Variants in SLC8B1 observed in about 807,000 individuals in gnomAD.
The protein encoded by SLC8B1 is solute carrier family 8 member B1, also known as mitochondrial sodium/calcium exchanger protein.
In SLC8B1, 52 loss-of-function variants were observed where a neutral mutation model predicts 63.4. That is an observed-to-expected ratio of 0.82 (90% CI 0.66 to 1.03). The LOEUF is 1.03. Among genes scored for constraint, SLC8B1 ranks in the 50% least tolerant of loss-of-function variants. The probability of loss-of-function intolerance (pLI) is 0.00; values close to 1 mark genes in which losing one functional copy is unlikely to be tolerated. For missense variants in SLC8B1, 657 were observed against 741.7 expected, an observed-to-expected ratio of 0.89 and a Z score of 1.33; for synonymous variants, 336 against 323.9, an observed-to-expected ratio of 1.04 and a Z score of -0.40.
chr12:113,310,620 T>G (rs1329925936), intron 11 of SLC8B1, among the ~76,000 whole-genome samples: 2 of 152,202 alleles, frequency 1.3e-5, no homozygotes, highest in African/African-American at 4.8e-5. Context: ...ACCACCACCC[T>G]CTTCCACCTT....
chr12:113,319,035 A>G lies in SLC8B1; in HGVS notation c.731T>C (p.Val244Ala). ...LGLYVFYVVTVILCTWIYQRQ... is the reference protein window; with the variant it reads ...LGLYVFYVVTAILCTWIYQRQ... ...TTGGTAGATCCAGGTGCAGAGAATC[A>G]CAGTGACCACATAGAACACATACAA... The change falls in exon 8 of 16, where the codon GTG becomes GCG. Residue 244 changes from valine (V) to alanine (A), a missense_variant. Val to Ala is a moderately conservative substitution (Grantham distance 64). Coordinates refer to ENST00000680972, the MANE Select transcript of SLC8B1 (RefSeq NM_001358345.2). 6.2e-7 allele frequency: 1 copy of G among 1,614,060 alleles called. No individual in the cohort carries two copies. The highest frequency in any genetic ancestry group is 8.5e-7 in the Non-Finnish European group (1 of 1,179,960).
In SLC8B1 at chr12:113,320,266, G is replaced by C; in HGVS notation, c.694+65C>G. The C allele has an allele frequency of 1.3e-6, 2 of 1,564,390 alleles. No individual in the cohort carries two copies. The highest frequency in any genetic ancestry group is 2.2e-5 in the East Asian group (1 of 44,560). ...CCACCCCTCACACCTCTCTGTCCCA[G>C]GCACCTCCTAAACCTCCTGCCCATC... On this transcript the variant is annotated intron_variant, in intron 7 of 15. Transcript: ENST00000680972. The surrounding 1 kb of genome is among the most constrained non-coding windows in gnomAD (Gnocchi z 5.3).
chr12:113,303,701 C>A (rs1956631125), intron 15 of SLC8B1, among the ~76,000 whole-genome samples: 1 of 152,198 alleles, frequency 6.6e-6, no homozygotes. Flanking sequence ...CCTGGAATAT[C>A]TGGCCACATG....
intron 10 of SLC8B1, among the ~76,000 whole-genome samples, chr12:113,316,006 C>T (rs1157834987): frequency 2.6e-5 from 4 of 152,120 alleles, no homozygotes; most frequent in African/African-American, 7.2e-5. Flanking sequence ...GGGCGGATCA[C>T]GAGGTCAGGA....
chr12:113,329,922 C>T (rs1455908885), intron 2 of SLC8B1, among the ~76,000 whole-genome samples: 1 of 152,164 alleles, frequency 6.6e-6, no homozygotes, highest in East Asian at 1.9e-4. Context: ...TTCTCCCTTG[C>T]TCACTGTTCC....
Position 113,306,491 on chromosome 12 carries a change from A to G in SLC8B1, c.1492+4T>C. ...TAAGGCCAAGAACAGACCACAAAGG[A>G]TACTGAAGATGATGCCGCCAAAGCA... is the stretch of plus-strand genomic sequence containing the variant. On this transcript the variant is annotated splice_donor_region_variant and intron_variant, in intron 14 of 15. Transcript: ENST00000680972. The G allele has an allele frequency of 1.9e-6, 3 of 1,610,522 alleles. No individual in the cohort carries two copies. Among genetic ancestry groups the G allele is most frequent in the Non-Finnish European group, 2.5e-6 (3 of 1,178,162 alleles).
rs536195386 is a variant in SLC8B1 at position 113,323,508 on chromosome 12, T to C, written c.157-2160A>G. Among the ~76,000 whole-genome samples the C allele has an allele frequency of 2.2e-4, 34 of 152,102 alleles. No individual in the cohort carries two copies. The East Asian group carries it at 4.1e-3, about 18-fold the overall frequency. On this transcript the variant is annotated intron_variant, in intron 2 of 15. Coordinates refer to ENST00000680972, the MANE Select transcript of SLC8B1 (RefSeq NM_001358345.2). ...CGGATCACTTGAGGTCAGGAGTTCA[T>C]GACCAGCCTGGTCAACATGGGGAAA...
intron 15 of SLC8B1, among the ~76,000 whole-genome samples, chr12:113,301,143 A>G (rs1416888576): frequency 6.6e-6 from 1 of 151,954 alleles, no homozygotes; most frequent in Non-Finnish European, 1.5e-5. Flanking sequence ...CTCAAAAAAC[A>G]AAAGAAGAAA....
chr12:113,303,036 T>G (rs1956613432), intron 15 of SLC8B1, among the ~76,000 whole-genome samples: 1 of 145,528 alleles, frequency 6.9e-6, no homozygotes, highest in African/African-American at 2.6e-5. Flanking sequence ...TTTCCTAAAC[T>G]CAGCACAAAG....
In SLC8B1 at chr12:113,305,474, GGCCGAATGCCT is replaced by G. The variant is rs1233742062; in HGVS notation, c.1492+1010_1492+1020del. On this transcript the variant is annotated intron_variant, in intron 14 of 15. Coordinates refer to ENST00000680972, the MANE Select transcript of SLC8B1 (RefSeq NM_001358345.2). The surrounding 1 kb of genome is among the most constrained non-coding windows in gnomAD (Gnocchi z 4.3). ...TTAGCAGCCAACAGTATCCACTGCT[GGCCGAATGCCT>G]GCCGTGCGCCAGGCACTGTCTGGAA... Among the ~76,000 whole-genome samples the G allele has an allele frequency of 6.6e-6, 1 of 152,218 alleles. No homozygotes were observed. The highest frequency in any genetic ancestry group is 2.4e-5 in the African/African-American group (1 of 41,462).
At chr12:113,312,406 C>T (rs1956777143) in intron 11 of SLC8B1, among the ~76,000 whole-genome samples, 1 of 152,210 alleles carries the variant, frequency 6.6e-6, no homozygotes, top group Non-Finnish European at 1.5e-5. Flanking sequence ...TGAGCAATGA[C>T]AGCCATGGAC....
intron 8 of SLC8B1, among the ~76,000 whole-genome samples, chr12:113,318,369 G>A (rs1360234876): frequency 6.7e-6 from 1 of 149,076 alleles, no homozygotes; most frequent in Non-Finnish European, 1.5e-5. Flanking sequence ...TATGTGTGTT[G>A]TGTGTGTTGT....
intron 15 of SLC8B1, among the ~76,000 whole-genome samples, chr12:113,303,423 G>A (rs566224396): frequency 1.3e-5 from 2 of 152,042 alleles, no homozygotes; most frequent in Non-Finnish European, 2.9e-5. Context: ...TGGGAGAAAC[G>A]GGTGACTTTA....
In SLC8B1 at chr12:113,334,703, C is replaced by T. The variant is rs1593267015; in HGVS notation, c.-343G>A. The T allele has an allele frequency of 6.6e-6, 1 of 152,354 alleles. No homozygotes were observed. The highest frequency in any genetic ancestry group is 1.9e-4 in the East Asian group (1 of 5,186). The allele number at this position is 152,354 out of a possible 1,614,324, so 9.4% of individuals were successfully genotyped here. A position where few individuals can be genotyped will look rare whatever the true frequency, so the allele number is the denominator to read the frequency against. On this transcript the variant is annotated 5_prime_UTR_variant, in exon 1 of 16. Coordinates refer to ENST00000680972, the MANE Select transcript of SLC8B1 (RefSeq NM_001358345.2). ...CAATAAATGTTCGCGTCCCTGATGTCCCCAACACCTGAAGATCAGCATGCG... is the reference window on the plus strand; with the variant it reads ...CAATAAATGTTCGCGTCCCTGATGTTCCCAACACCTGAAGATCAGCATGCG...
intron 10 of SLC8B1, among the ~76,000 whole-genome samples, chr12:113,315,699 A>C (rs541864803): frequency 6.6e-6 from 1 of 152,372 alleles, no homozygotes; most frequent in East Asian, 1.9e-4. Flanking sequence ...TCTGGAGGGC[A>C]GAAGTCCTGA....
intron 10 of SLC8B1, among the ~76,000 whole-genome samples, chr12:113,316,054 C>G (rs1208169355): frequency 1.3e-5 from 2 of 152,134 alleles, no homozygotes; most frequent in Non-Finnish European, 2.9e-5. Context: ...GAAACCCCGT[C>G]TCTACTAAAA....
intron 2 of SLC8B1, among the ~76,000 whole-genome samples, chr12:113,326,474 T>C (rs1021004101): frequency 6.6e-6 from 1 of 152,172 alleles, no homozygotes; most frequent in African/African-American, 2.4e-5. Context: ...TTCAAATTAT[T>C]ATCCTGCCTC....
chr12:113,326,705 G>A (rs1957001105), intron 2 of SLC8B1, among the ~76,000 whole-genome samples: 1 of 146,980 alleles, frequency 6.8e-6, no homozygotes, highest in South Asian at 2.2e-4. Flanking sequence ...TTGAGACAAG[G>A]TCTCACTGTT....
rs1173552802 is a variant in SLC8B1, at chr12:113,332,881, GC to G, written c.-4del. 9.9e-6 allele frequency: 16 copies of G among 1,613,460 alleles called. No homozygotes were observed. The highest frequency in any genetic ancestry group is 1.4e-5 in the Non-Finnish European group (16 of 1,179,870). On this transcript the variant is annotated 5_prime_UTR_variant, in exon 2 of 16. Coordinates refer to ENST00000680972, the MANE Select transcript of SLC8B1 (RefSeq NM_001358345.2). ...AGATTCAGCCTTCTGCCGGCCATCT[GC>G]CCCCACGGGGCCTGGCCCTTACTCT...
Sources: allele counts gnomAD v4.1 joint callset (sites outside exome capture counted in the v4.1 genomes callset), GRCh38; gene constraint gnomAD v4.1.1; non-coding constraint Gnocchi (gnomAD v3.1); transcripts MANE v1.5; gene names NCBI Gene and HGNC (gene_info 2026-07-23, HGNC 2026-07-21).